The following VAV3 variants were observed in gnomAD, a reference collection of about 807,000 sequenced individuals.
VAV3 encodes the protein vav guanine nucleotide exchange factor 3.
VAV3 carries 94 observed loss-of-function variants against 131.2 expected under a neutral mutation model. That is an observed-to-expected ratio of 0.72 (90% confidence interval 0.61 to 0.85). The LOEUF (loss-of-function observed/expected upper bound fraction) is 0.85, where lower values mean the gene tolerates loss of function less well. VAV3 is among the 40% of genes least tolerant of loss of function. VAV3 has a pLI of 0.00. For missense variants in VAV3, 939 were observed against 1,002.7 expected (o/e 0.94, Z 0.86); for synonymous variants, 349 against 342.0 (o/e 1.02, Z -0.22).
intron 17 of VAV3, among the ~76,000 whole-genome samples, chr1:107,698,978 A>G (rs1270195017): frequency 6.6e-6 from 1 of 152,172 alleles, no homozygotes; most frequent in Non-Finnish European, 1.5e-5. Context: ...GGGGATTACA[A>G]TTCGAGATGA....
At chr1:107,743,271 T>A (rs187642827) in intron 15 of VAV3, among the ~76,000 whole-genome samples, 5 of 151,978 alleles carry the variant, frequency 3.3e-5, no homozygotes, top group South Asian at 2.1e-4. Flanking sequence ...TGGGAAGAGG[T>A]AGGGAATAGC....
intron 17 of VAV3, among the ~76,000 whole-genome samples, chr1:107,696,431 C>T (rs1331221839): frequency 6.6e-6 from 1 of 152,156 alleles, no homozygotes; most frequent in East Asian, 1.9e-4. Flanking sequence ...TATCCATTAA[C>T]CAACCTCTGC....
At chr1:107,639,892 G>C (rs1249763226) in intron 20 of VAV3, among the ~76,000 whole-genome samples, 1 of 149,302 alleles carries the variant, frequency 6.7e-6, no homozygotes, top group Non-Finnish European at 1.5e-5. Context: ...TACGATTGTA[G>C]TACCACACAC....
chr1:107,762,183 C>T (rs1006253538), intron 9 of VAV3, among the ~76,000 whole-genome samples: 4 of 151,380 alleles, frequency 2.6e-5, no homozygotes, highest in Non-Finnish European at 5.9e-5. Flanking sequence ...GTCCAAAATC[C>T]TGACACAATT....
chr1:107,776,816 GAACA>G (rs2102212837), intron 4 of VAV3, among the ~76,000 whole-genome samples: 1 of 152,240 alleles, frequency 6.6e-6, no homozygotes, highest in Non-Finnish European at 1.5e-5. Flanking sequence ...TCTCTGTTCA[GAACA>G]AACACCGCCT....
intron 15 of VAV3, among the ~76,000 whole-genome samples, chr1:107,745,243 C>T (rs924803937): frequency 6.6e-6 from 1 of 152,224 alleles, no homozygotes; most frequent in Non-Finnish European, 1.5e-5. Context: ...CAATGCATAT[C>T]GATCAGCCTC....
At chr1:107,942,549 A>G (rs957973714) in intron 1 of VAV3, among the ~76,000 whole-genome samples, 17 of 152,196 alleles carry the variant, frequency 1.1e-4, no homozygotes, top group Non-Finnish European at 2.2e-4. Context: ...TCCTTTTTAT[A>G]TCTGTGTATC....
At chr1:107,779,084 T>C (rs1332545283) in intron 3 of VAV3, among the ~76,000 whole-genome samples, 1 of 152,074 alleles carries the variant, frequency 6.6e-6, no homozygotes, top group Non-Finnish European at 1.5e-5. Context: ...AATAAACATA[T>C]TACAACATCT....
chr1:107,860,823 G>A (rs182389595), intron 2 of VAV3, among the ~76,000 whole-genome samples: 4 of 151,650 alleles, frequency 2.6e-5, no homozygotes, highest in Admixed American at 6.6e-5. Context: ...TTGTGCCCAG[G>A]ACTTTGAGTC....
chr1:107,899,640 C>A (rs1034028836), intron 1 of VAV3, among the ~76,000 whole-genome samples: 3 of 152,122 alleles, frequency 2.0e-5, no homozygotes, highest in Middle Eastern at 3.2e-3. Flanking sequence ...TGTATCAAGG[C>A]TGAGTGAAGT....
intron 15 of VAV3, among the ~76,000 whole-genome samples, chr1:107,724,346 T>C (rs1160085402): frequency 1.3e-5 from 2 of 151,954 alleles, no homozygotes; most frequent in Admixed American, 1.3e-4. Context: ...TAATGATCTG[T>C]CCTTTCTCTG....
intron 2 of VAV3, among the ~76,000 whole-genome samples, chr1:107,849,019 T>C (rs182114680): frequency 1.5e-3 from 221 of 152,194 alleles, no homozygotes; most frequent in African/African-American, 5.2e-3. Flanking sequence ...TTACAAGGGA[T>C]GTGAAGGACC....
intron 2 of VAV3, among the ~76,000 whole-genome samples, chr1:107,791,034 CA>C (rs1289125639): frequency 2.0e-5 from 3 of 152,070 alleles, no homozygotes; most frequent in African/African-American, 7.2e-5. Context: ...TTCTTCCAAA[CA>C]GGGAAAGATG....
At chr1:107,726,380 G>A (rs1191668205) in intron 15 of VAV3, among the ~76,000 whole-genome samples, 1 of 152,212 alleles carries the variant, frequency 6.6e-6, no homozygotes, top group East Asian at 1.9e-4. Flanking sequence ...CGGCAGAGGC[G>A]CTCTGCAGAT....
chr1:107,701,818 T>G (rs1455934461), intron 17 of VAV3, among the ~76,000 whole-genome samples: 1 of 152,100 alleles, frequency 6.6e-6, no homozygotes, highest in Non-Finnish European at 1.5e-5. Flanking sequence ...AACAAGTTCC[T>G]CATCTCCATT....
intron 19 of VAV3, among the ~76,000 whole-genome samples, chr1:107,671,249 T>C (rs1657770833): frequency 6.6e-6 from 1 of 152,184 alleles, no homozygotes; most frequent in African/African-American, 2.4e-5. Flanking sequence ...GCATTTGATA[T>C]AAGAGGTAGC....
chr1:107,622,149 ACTT>A (rs1653656874), intron 20 of VAV3, among the ~76,000 whole-genome samples: 1 of 152,156 alleles, frequency 6.6e-6, no homozygotes, highest in Admixed American at 6.6e-5. Context: ...ATTATTGACA[ACTT>A]CTTCTGACAT....
intron 1 of VAV3, among the ~76,000 whole-genome samples, chr1:107,953,163 T>C (rs1674639461): frequency 6.6e-6 from 1 of 152,180 alleles, no homozygotes. Flanking sequence ...TCAAGTCCTG[T>C]CTTCACCACT....
At chr1:107,859,883 T>C (rs1669657359) in intron 2 of VAV3, among the ~76,000 whole-genome samples, 1 of 152,204 alleles carries the variant, frequency 6.6e-6, no homozygotes, top group Non-Finnish European at 1.5e-5. Context: ...CTAGTAAAAT[T>C]TGATATTTTA....
Sources: allele counts gnomAD v4.1 joint callset (sites outside exome capture counted in the v4.1 genomes callset), GRCh38; gene constraint gnomAD v4.1.1; transcripts MANE v1.5; gene names NCBI Gene and HGNC (gene_info 2026-07-23, HGNC 2026-07-21).